Variants in KCNIP1 observed in about 807,000 individuals in gnomAD.
KCNIP1 encodes A-type potassium channel modulatory protein KCNIP1.
KCNIP1 carries 18 observed loss-of-function variants against 33.0 expected under a neutral mutation model. That is an observed-to-expected ratio of 0.55 (90% CI 0.38 to 0.81). The LOEUF (loss-of-function observed/expected upper bound fraction) is 0.81, where lower values mean the gene tolerates loss of function less well. Ranked by LOEUF, KCNIP1 falls within the 30% of genes least tolerant of loss-of-function variation. The pLI is 0.00. For missense variants in KCNIP1, 238 were observed against 271.6 expected (o/e 0.88, Z 0.87); for synonymous variants, 93 against 98.3 (o/e 0.95, Z 0.32).
chr5:170,468,554 G>A (rs1247520985), intron 1 of KCNIP1, among the ~76,000 whole-genome samples: 2 of 152,066 alleles, frequency 1.3e-5, no homozygotes, highest in East Asian at 3.8e-4. Flanking sequence ...CTGCTCTTGA[G>A]GGCATCTAAT....
rs1757198828 is a variant in KCNIP1 at position 170,566,171 on chromosome 5, C to T, written c.61+61538C>T. On this transcript the variant is annotated intron_variant, in intron 1 of 7. Coordinates refer to ENST00000328939, the MANE Select transcript of KCNIP1 (RefSeq NM_014592.4). Reference sequence around the variant, plus strand: ...AGCCTCCCGGGTTCAAGCGATTCTCCCGCCTCAGCCTCCCGAGTAGCTGGG... The same window carrying T: ...AGCCTCCCGGGTTCAAGCGATTCTCTCGCCTCAGCCTCCCGAGTAGCTGGG... 1.3e-5 allele frequency among the ~76,000 whole-genome samples: 2 copies of T among 151,912 alleles called. 1 individual carries two copies. Among genetic ancestry groups the T allele is most frequent in the South Asian group, 4.2e-4 (2 of 4,810 alleles).
At chr5:170,584,776 C>T (rs1241712095) in intron 1 of KCNIP1, among the ~76,000 whole-genome samples, 2 of 152,084 alleles carry the variant, frequency 1.3e-5, no homozygotes, top group African/African-American at 4.8e-5. Context: ...ATTTTCAGCT[C>T]CAATCAGTGG....
At chr5:170,680,922 A>G (rs998745712) in intron 1 of KCNIP1, 4 of 396,714 alleles carry the variant, frequency 1.0e-5, no homozygotes, top group African/African-American at 6.2e-5. Context: ...TAGGAGTGGA[A>G]GGAAGGGAGG....
chr5:170,474,892 G>A lies in KCNIP1; in HGVS notation c.88+120928G>A, dbSNP rs143827412. ...AGAGCAACAGAACAAACCCCCCACC[G>A]CGTAGAAGGGGACCCCACTGGGTTG... is the stretch of plus-strand genomic sequence containing the variant. On this transcript the variant is annotated intron_variant, in intron 1 of 7. Coordinates refer to the KCNIP1 transcript ENST00000377360. Among the ~76,000 whole-genome samples, 1,053 of 152,286 alleles carry A rather than the reference G, an allele frequency of 6.9e-3. 13 individuals are homozygous for A. Among genetic ancestry groups the A allele is most frequent in the Admixed American group, 0.013 (199 of 15,302 alleles).
intron 1 of KCNIP1, among the ~76,000 whole-genome samples, chr5:170,712,664 G>T (rs897234553): frequency 1.3e-5 from 2 of 152,270 alleles, no homozygotes; most frequent in Non-Finnish European, 2.9e-5. Flanking sequence ...GCAACCCACT[G>T]CTCTTGCCTG....
At chr5:170,435,386 G>A (rs952730705) in intron 1 of KCNIP1, among the ~76,000 whole-genome samples, 9 of 152,214 alleles carry the variant, frequency 5.9e-5, no homozygotes, top group African/African-American at 1.9e-4. Flanking sequence ...CCAGAAACGG[G>A]ACTTTGAGCT....
At chr5:170,733,754 A>G (rs984301341) in intron 6 of KCNIP1, 82 bp from the exon 7 acceptor site, 2 of 1,170,660 alleles carry the variant, frequency 1.7e-6, no homozygotes, top group Admixed American at 3.6e-5. Flanking sequence ...CGTTACTCTG[A>G]GCTCCAGCAA....
intron 1 of KCNIP1, among the ~76,000 whole-genome samples, chr5:170,662,307 C>T (rs1761530859): frequency 6.6e-6 from 1 of 152,088 alleles, no homozygotes; most frequent in Non-Finnish European, 1.5e-5. Flanking sequence ...TATAAGGTGC[C>T]CTGGCACTGT....
intron 1 of KCNIP1, among the ~76,000 whole-genome samples, chr5:170,714,799 A>G (rs916269045): frequency 3.0e-4 from 45 of 152,316 alleles, no homozygotes; most frequent in African/African-American, 9.9e-4. Context: ...TTTTAAGCTA[A>G]GCGTTATCAC....
chr5:170,705,227 G>T (rs761100421), intron 1 of KCNIP1, among the ~76,000 whole-genome samples: 1 of 152,204 alleles, frequency 6.6e-6, no homozygotes, highest in Non-Finnish European at 1.5e-5. Context: ...AGGTGTGTCT[G>T]CCAAGGCTTC....
chr5:170,595,820 A>G (rs1017786274), intron 1 of KCNIP1, among the ~76,000 whole-genome samples: 2 of 152,228 alleles, frequency 1.3e-5, no homozygotes, highest in East Asian at 3.8e-4. Flanking sequence ...AGCTCTTTAC[A>G]GTGGATCAGT....
intron 1 of KCNIP1, among the ~76,000 whole-genome samples, chr5:170,640,893 T>C (rs1760520228): frequency 6.6e-6 from 1 of 152,086 alleles, no homozygotes; most frequent in Non-Finnish European, 1.5e-5. Flanking sequence ...TGATGCACAG[T>C]GAATGGGCAG....
At chr5:170,488,577 C>T (rs543553445) in intron 1 of KCNIP1, among the ~76,000 whole-genome samples, 1 of 152,340 alleles carries the variant, frequency 6.6e-6, no homozygotes, top group South Asian at 2.1e-4. Flanking sequence ...TTAGTGTATG[C>T]ATCTACAAGG....
intron 1 of KCNIP1, among the ~76,000 whole-genome samples, chr5:170,654,684 A>C (rs930380329): frequency 6.6e-6 from 1 of 152,212 alleles, no homozygotes; most frequent in Non-Finnish European, 1.5e-5. Context: ...GCTCAAATCC[A>C]CCTGTGGGTA....
chr5:170,624,678 G>A (rs1280504711), intron 1 of KCNIP1, among the ~76,000 whole-genome samples: 1 of 148,446 alleles, frequency 6.7e-6, no homozygotes, highest in African/African-American at 2.5e-5. Flanking sequence ...CAGTTCTTGT[G>A]TGGAGGGGAG....
At position 170,578,675 on chromosome 5, in the gene KCNIP1, T is replaced by C. The variant is rs1581351040; in HGVS notation, c.61+74042T>C. Among the ~76,000 whole-genome samples the C allele has an allele frequency of 2.0e-5, 3 of 152,290 alleles. 1 individual carries two copies. The highest frequency in any genetic ancestry group is 2.0e-4 in the Admixed American group (3 of 15,300). ...GCAATGAAATAACAAATAAGTCATC[T>C]TAAAGTTAAAGGAGATGGACAATAG... On this transcript the variant is annotated intron_variant, in intron 1 of 7. Coordinates refer to ENST00000328939, the MANE Select transcript of KCNIP1 (RefSeq NM_014592.4).
At chr5:170,722,953 C>T (rs1763881837) in intron 5 of KCNIP1, 133 bp downstream of exon 5, 1 of 617,132 alleles carries the variant, frequency 1.6e-6, no homozygotes, top group Non-Finnish European at 2.9e-6. Flanking sequence ...AGAGCTGGTC[C>T]CTGGCAAAAT....
intron 1 of KCNIP1, among the ~76,000 whole-genome samples, chr5:170,636,146 G>A (rs755332704): frequency 9.2e-4 from 140 of 152,340 alleles, no homozygotes; most frequent in Non-Finnish European, 1.7e-3. Flanking sequence ...ACAGTGAAGC[G>A]GAAATGTCAG....
At chr5:170,542,415 A>T (rs900506908) in intron 1 of KCNIP1, among the ~76,000 whole-genome samples, 1 of 152,210 alleles carries the variant, frequency 6.6e-6, no homozygotes, top group Non-Finnish European at 1.5e-5. Flanking sequence ...CAAAGATTAC[A>T]TGAGATATAC....
Sources: gnomAD v4.1 joint callset for allele counts (sites outside exome capture counted in the v4.1 genomes callset) on GRCh38, gnomAD v4.1.1 for gene constraint, MANE v1.5 for transcripts, NCBI Gene and HGNC (gene_info 2026-07-23, HGNC 2026-07-21) for gene names.